Variants in MGA observed in about 807,000 individuals in gnomAD.
MGA encodes MAX dimerization protein MGA.
A neutral mutation model predicts 261.1 loss-of-function variants in MGA; 40 were observed. The ratio of observed to expected loss-of-function variants is 0.15; its 90% CI spans 0.12 to 0.20. The LOEUF is 0.20. Ranked by LOEUF, MGA falls within the 10% of genes least tolerant of loss-of-function variation. MGA has a pLI of 1.00. For missense variants in MGA, 3,397 were observed against 3,630.5 expected, an observed-to-expected ratio of 0.94 and a Z score of 1.65; for synonymous variants, 1,302 against 1,290.6, an observed-to-expected ratio of 1.01 and a Z score of -0.19.
Position 41,766,200 on chromosome 15 carries a change from CAG to C in MGA, c.8122_8123del (p.Asp2708TrpfsTer24), listed in dbSNP as rs755279789. ...AGGGTAGAATCTCTTCCAGAGGAAACAGAGATGGCAGAGTGACGTTGGGTCCA... is the reference window on the plus strand; with the variant it reads ...AGGGTAGAATCTCTTCCAGAGGAAACAGATGGCAGAGTGACGTTGGGTCCA... On this transcript the variant is annotated frameshift_variant, in exon 24 of 24. Transcript: ENST00000219905. LOFTEE classifies it high-confidence loss of function. 1 of 1,613,880 alleles carries C rather than the reference CAG, an allele frequency of 6.2e-7. No homozygotes were observed. Among genetic ancestry groups the C allele is most frequent in the Non-Finnish European group, 8.5e-7 (1 of 1,179,838 alleles).
intron 22 of MGA, among the ~76,000 whole-genome samples, chr15:41,764,252 A>ATT (rs71108132): frequency 0.049 from 5,372 of 109,678 alleles, 297 homozygotes; most frequent in African/African-American, 0.11. Flanking sequence ...TGGTGTGGGT[A>ATT]TTTTTTTTTT....
At chr15:41,683,839 A>C (rs10152332) in intron 2 of MGA, among the ~76,000 whole-genome samples, 119,132 of 151,910 alleles carry the variant, frequency 0.78, 47,227 homozygotes, top group East Asian at 0.89. Context: ...TCTTGACCTC[A>C]CAAACTGCTG....
intron 1 of MGA, among the ~76,000 whole-genome samples, chr15:41,623,759 T>A (rs1697157449): frequency 7.5e-6 from 1 of 133,548 alleles, no homozygotes; most frequent in African/African-American, 2.7e-5. Flanking sequence ...GGTGAATTAT[T>A]TATATATATA....
intron 1 of MGA, among the ~76,000 whole-genome samples, chr15:41,663,719 C>T (rs746057207): frequency 2.0e-5 from 3 of 152,092 alleles, no homozygotes; most frequent in Non-Finnish European, 2.9e-5. Context: ...GATTCGCCCG[C>T]CTCAGCCCCT....
intron 9 of MGA, chr15:41,718,546 C>T (rs2060777967): frequency 2.1e-6 from 1 of 467,474 alleles, no homozygotes; most frequent in Non-Finnish European, 4.1e-6. Flanking sequence ...TCAGAGATCT[C>T]ACCTTCCTGG....
upstream of MGA, among the ~76,000 whole-genome samples, chr15:41,655,602 A>C (rs1347635668): frequency 6.6e-6 from 1 of 151,700 alleles, no homozygotes; most frequent in Non-Finnish European, 1.5e-5. Context: ...CATATTTTTG[A>C]TCCATGATTG....
chr15:41,742,604 C>T lies in MGA; in HGVS notation c.4644C>T (p.Ala1548=), dbSNP rs1409597798. Residue 1548 remains alanine, a synonymous_variant, in exon 15 of 24, where the codon GCC becomes GCT. Coordinates refer to ENST00000219905, the MANE Select transcript of MGA (RefSeq NM_001164273.2). ...AGTTTGTGATGAGTAAAGTTGGAGC[C>T]TTGCAGCAGAAGATACCTGGAGTTA... 6.2e-7 allele frequency: 1 copy of T among 1,613,912 alleles called. No homozygotes were observed. Among genetic ancestry groups the T allele is most frequent in the Admixed American group, 1.7e-5 (1 of 60,022 alleles).
At chr15:41,706,821 G>A (rs1380208609) in intron 5 of MGA, among the ~76,000 whole-genome samples, 1 of 152,068 alleles carries the variant, frequency 6.6e-6, no homozygotes, top group Non-Finnish European at 1.5e-5. Flanking sequence ...TGATCTGTCT[G>A]CCTTGGCCTC....
At chr15:41,698,770 C>T (rs1437520896) in intron 3 of MGA, 93 bp from the exon 4 acceptor site, 1 of 916,648 alleles carries the variant, frequency 1.1e-6, no homozygotes, top group East Asian at 2.7e-5. Flanking sequence ...GAGATATTTT[C>T]CTTCTGGTCT....
chr15:41,697,297 G>T (rs1299932670), intron 3 of MGA, among the ~76,000 whole-genome samples: 2 of 151,990 alleles, frequency 1.3e-5, no homozygotes, highest in African/African-American at 2.4e-5. Flanking sequence ...AAGTCTTCGG[G>T]TCTTACTGGA....
At chr15:41,707,990 A>G in intron 6 of MGA, 114 bp from the exon 7 acceptor site, 2 of 1,366,438 alleles carry the variant, frequency 1.5e-6, no homozygotes, top group Non-Finnish European at 2.0e-6. Context: ...GTCTGTTGTT[A>G]TAGTTTTGAT....
chr15:41,727,752 T>A (rs1044513858), intron 10 of MGA, among the ~76,000 whole-genome samples: 1 of 152,050 alleles, frequency 6.6e-6, no homozygotes, highest in African/African-American at 2.4e-5. Flanking sequence ...AGAAAAACAT[T>A]AGGAAAAAGC....
Position 41,696,427 on chromosome 15 carries a change from C to T in MGA, c.1417C>T (p.Pro473Ser). 3 of 1,613,938 alleles carry T rather than the reference C, an allele frequency of 1.9e-6. No homozygotes were observed. The highest frequency in any genetic ancestry group is 1.7e-6 in the Non-Finnish European group (2 of 1,179,850). ...AAAGATGCCAGTAGTCTATCTGGAG[C>T]CCTGTGCTGTCACCAGAAGCACAGT... is the stretch of plus-strand genomic sequence containing the variant. The change falls in exon 3 of 24, where the codon CCC becomes TCC. Residue 473 changes from proline to serine, a missense_variant. Physicochemically the swap from Pro to Ser is moderately conservative, Grantham distance 74 (BLOSUM62 -1). This residue lies in a region of MGA where 563 missense variants were observed against 563.6 expected (regional missense o/e 1.00). Transcript: ENST00000219905.
intron 1 of MGA, among the ~76,000 whole-genome samples, chr15:41,625,916 A>G (rs1020437895): frequency 6.6e-6 from 1 of 152,176 alleles, no homozygotes; most frequent in Non-Finnish European, 1.5e-5. Flanking sequence ...TCCCTTATCC[A>G]TGGTTTCAGT....
intron 22 of MGA, among the ~76,000 whole-genome samples, chr15:41,762,596 T>C (rs1200779552): frequency 6.7e-6 from 1 of 149,234 alleles, no homozygotes; most frequent in Non-Finnish European, 1.5e-5. Flanking sequence ...GCCTCCTGAG[T>C]AGCTGGGACT....
intron 19 of MGA, 121 bp downstream of exon 19, chr15:41,757,960 G>A: frequency 2.8e-6 from 2 of 722,024 alleles, no homozygotes; most frequent in East Asian, 2.7e-5. Flanking sequence ...TTTTGCCAGT[G>A]AGTTAATATA....
In MGA at chr15:41,757,832, G is replaced by A. The variant is rs1248020400; in HGVS notation, c.7184G>A (p.Ser2395Asn). The A allele has an allele frequency of 8.1e-6, 13 of 1,605,790 alleles. No homozygotes were observed. Among genetic ancestry groups the A allele is most frequent in the Non-Finnish European group, 1.0e-5 (12 of 1,173,216 alleles). The change falls in exon 19 of 24, where the codon AGT (serine) becomes AAT (asparagine). Residue 2395 changes from serine to asparagine, a missense_variant. Ser to Asn is a conservative substitution (Grantham distance 46). Coordinates refer to ENST00000219905, the MANE Select transcript of MGA (RefSeq NM_001164273.2). ...GCAGATGAAAAAGCAGCTGAAAGGA[G>A]TCGAAAGGTATTTAGGATATATTTA...
chr15:41,733,743 T>C (rs1186955721), intron 11 of MGA, among the ~76,000 whole-genome samples: 1 of 152,232 alleles, frequency 6.6e-6, no homozygotes, highest in Non-Finnish European at 1.5e-5. Flanking sequence ...AGCTGTTCAG[T>C]GCACTATTGC....
chr15:41,757,781 T>C lies in MGA; in HGVS notation c.7140-7T>C, dbSNP rs1189634528. ...GTAAGACACTGAAAAATCCTGTCTT[T>C]ATCCAGGTCCTGTACTCACATCTCT... On this transcript the variant is annotated splice_region_variant and splice_polypyrimidine_tract_variant and intron_variant, in intron 18 of 23. Coordinates refer to ENST00000219905, the MANE Select transcript of MGA (RefSeq NM_001164273.2). 1.2e-6 allele frequency: 2 copies of C among 1,605,730 alleles called. No homozygotes were observed. Among genetic ancestry groups the C allele is most frequent in the South Asian group, 2.2e-5 (2 of 90,274 alleles).
Sources: gnomAD v4.1 joint callset for allele counts (sites outside exome capture counted in the v4.1 genomes callset) on GRCh38, gnomAD v4.1.1 for gene constraint, gnomAD v4.1.1 regional missense constraint, MANE v1.5 for transcripts, NCBI Gene and HGNC (gene_info 2026-07-23, HGNC 2026-07-21) for gene names.